SEPTIN2: variants seen among roughly 807,000 people sequenced by gnomAD.
SEPTIN2 encodes septin 2.
In SEPTIN2, 34 loss-of-function variants were observed where a neutral mutation model predicts 46.5. That is an observed-to-expected ratio of 0.73 (90% confidence interval 0.56 to 0.97). SEPTIN2 has a LOEUF of 0.97. Among genes scored for constraint, SEPTIN2 ranks in the 50% least tolerant of loss-of-function variants. The pLI is 0.00. For missense variants in SEPTIN2, 347 were observed against 448.4 expected, an observed-to-expected ratio of 0.77 and a Z score of 2.04; for synonymous variants, 175 against 153.4, an observed-to-expected ratio of 1.14 and a Z score of -1.04.
At chr2:241,345,556 C>T (rs576651249) in intron 9 of SEPTIN2, among the ~76,000 whole-genome samples, 1 of 152,294 alleles carries the variant, frequency 6.6e-6, no homozygotes, top group Non-Finnish European at 1.5e-5. Flanking sequence ...AATGTTTGCT[C>T]ATTCTTGCCT....
chr2:241,322,356 A>C (rs2077251624), intron 1 of SEPTIN2, among the ~76,000 whole-genome samples: 1 of 152,140 alleles, frequency 6.6e-6, no homozygotes, highest in African/African-American at 2.4e-5. Flanking sequence ...CTGTAATCCC[A>C]GCACCTTGGG....
intron 5 of SEPTIN2, chr2:241,336,809 G>C (rs2080079290): frequency 5.9e-6 from 1 of 170,664 alleles, no homozygotes; most frequent in Non-Finnish European, 1.4e-5. Flanking sequence ...AGAATTGGCA[G>C]CCCTGGCTGG....
intron 3 of SEPTIN2, among the ~76,000 whole-genome samples, chr2:241,330,224 A>G (rs74404759): frequency 0.016 from 2,489 of 152,298 alleles, 44 homozygotes; most frequent in African/African-American, 0.043. Context: ...AAAAATCACC[A>G]TGCCATACAG....
At chr2:241,347,910 G>C (rs867804407) in intron 10 of SEPTIN2, among the ~76,000 whole-genome samples, 3 of 152,116 alleles carry the variant, frequency 2.0e-5, no homozygotes, top group Admixed American at 6.5e-5. Flanking sequence ...AGTTACCCAG[G>C]AGGCTAAGGT....
In SEPTIN2 at chr2:241,323,549, G is replaced by A. The variant is rs543458165; in HGVS notation, c.-17-667G>A. ...CTGGAATTACAGGCGTGAGCATCACGTCTGGCCTAATTTTTTTAATCGAAT... is the reference window on the plus strand; with the variant it reads ...CTGGAATTACAGGCGTGAGCATCACATCTGGCCTAATTTTTTTAATCGAAT... On this transcript the variant is annotated intron_variant, in intron 1 of 12. Coordinates refer to ENST00000391971, the MANE Select transcript of SEPTIN2 (RefSeq NM_004404.5). Among the ~76,000 whole-genome samples the A allele has an allele frequency of 4.6e-5, 7 of 152,254 alleles. No individual in the cohort carries two copies. The South Asian group carries it at 8.3e-4, about 18-fold the overall frequency.
At chr2:241,339,491 T>C (rs1427513701) in intron 7 of SEPTIN2, among the ~76,000 whole-genome samples, 1 of 152,166 alleles carries the variant, frequency 6.6e-6, no homozygotes, top group Non-Finnish European at 1.5e-5. Context: ...ATAGTAATAC[T>C]ATTCTGCCAT....
chr2:241,331,906 A>G (rs2079066810), intron 3 of SEPTIN2, among the ~76,000 whole-genome samples: 1 of 152,230 alleles, frequency 6.6e-6, no homozygotes, highest in Non-Finnish European at 1.5e-5. Flanking sequence ...TAGACCCATC[A>G]ATATAATAAG....
intron 8 of SEPTIN2, 45 bp downstream of exon 8, chr2:241,343,138 C>G: frequency 9.3e-7 from 1 of 1,075,996 alleles, no homozygotes; most frequent in Non-Finnish European, 1.4e-6. Flanking sequence ...CTCCTGTTTA[C>G]TGTTGTCCAT....
chr2:241,338,567 T>C (rs1395233708), intron 7 of SEPTIN2, among the ~76,000 whole-genome samples: 1 of 137,300 alleles, frequency 7.3e-6, no homozygotes, highest in Non-Finnish European at 1.6e-5. Flanking sequence ...CTCAGCAACA[T>C]AGCAATACGC....
At chr2:241,340,778 C>G (rs911220078) in intron 7 of SEPTIN2, among the ~76,000 whole-genome samples, 1 of 152,192 alleles carries the variant, frequency 6.6e-6, no homozygotes, top group African/African-American at 2.4e-5. Flanking sequence ...AATCACTTCT[C>G]TTCCTCCAGT....
Position 241,316,388 on chromosome 2 carries a change from C to T in SEPTIN2, c.-18+406C>T, listed in dbSNP as rs553697322. The T allele has an allele frequency of 2.3e-5, 23 of 984,350 alleles. No individual in the cohort carries two copies. In the African/African-American group the frequency reaches 3.2e-4, roughly 14 times the overall value. The allele number at this position is 984,350 out of a possible 1,614,324, so 61.0% of individuals were successfully genotyped here. A position where few individuals can be genotyped will look rare whatever the true frequency, so the allele number is the denominator to read the frequency against. On this transcript the variant is annotated intron_variant, in intron 1 of 12. Transcript: ENST00000391971. Reference sequence around the variant, plus strand: ...AAACACTTAGAGCTTGTGTGGCCATCTTGTCTTTCTAACGGTGCCATTTCC... The same window carrying T: ...AAACACTTAGAGCTTGTGTGGCCATTTTGTCTTTCTAACGGTGCCATTTCC...
intron 1 of SEPTIN2, chr2:241,316,397 C>T (rs1193486596): frequency 9.3e-7 from 1 of 1,073,926 alleles, no homozygotes; most frequent in Non-Finnish European, 1.3e-6. Context: ...TCTTGTCTTT[C>T]TAACGGTGCC....
chr2:241,344,113 T>TGCCTGTG (rs1166124525), intron 9 of SEPTIN2, among the ~76,000 whole-genome samples: 2 of 152,206 alleles, frequency 1.3e-5, no homozygotes, highest in Admixed American at 6.5e-5. Context: ...CTAGCGCTTC[T>TGCCTGTG]GCCTGTGGCC....
intron 7 of SEPTIN2, among the ~76,000 whole-genome samples, chr2:241,341,270 C>T (rs2081227213): frequency 6.6e-6 from 1 of 152,236 alleles, no homozygotes; most frequent in African/African-American, 2.4e-5. Flanking sequence ...TGATGGACTC[C>T]TGTCCTTCCA....
intron 1 of SEPTIN2, among the ~76,000 whole-genome samples, chr2:241,321,668 G>T (rs548337113): frequency 6.6e-6 from 1 of 151,526 alleles, no homozygotes; most frequent in South Asian, 2.1e-4. Context: ...TGATATTCTT[G>T]AATTTTGTCC....
chr2:241,353,494 A>G lies in SEPTIN2; in HGVS notation c.*1557A>G, dbSNP rs2060924312. The G allele has an allele frequency of 6.6e-6, 1 of 152,218 alleles. No homozygotes were observed. 9.4% of individuals were successfully genotyped at this position (152,218 alleles called of 1,614,324 possible). On this transcript the variant is annotated 3_prime_UTR_variant, in exon 13 of 13. Transcript: ENST00000391971. ...TTTTTGTGGGGGCTAGAAAAAACATAAAATGAGGCAGTTAAATAATAATAG... is the reference window on the plus strand; with the variant it reads ...TTTTTGTGGGGGCTAGAAAAAACATGAAATGAGGCAGTTAAATAATAATAG...
chr2:241,316,697 G>T, intron 1 of SEPTIN2: 1 of 519,436 alleles, frequency 1.9e-6, no homozygotes, highest in South Asian at 3.0e-5. Flanking sequence ...AACCTGGCTT[G>T]CTTTTTTACC....
chr2:241,335,935 A>T, intron 4 of SEPTIN2, 40 bp from the exon 5 acceptor site: 1 of 1,614,022 alleles, frequency 6.2e-7, no homozygotes, highest in South Asian at 1.1e-5. Flanking sequence ...TCCTCTTCAC[A>T]TGCTGCTTAT....
rs76440955 is a variant in SEPTIN2, at chr2:241,343,730, T to A, written c.697-22T>A. ...TGGGGTTCCCTGTGTGGAGCCTGTC[T>A]ACTCTGTGTGTCTCTTTCTAGGCTA... On this transcript the variant is annotated intron_variant, in intron 8 of 12. Coordinates refer to ENST00000391971, the MANE Select transcript of SEPTIN2 (RefSeq NM_004404.5). 7.0e-5 allele frequency: 113 copies of A among 1,613,972 alleles called. No homozygotes were observed. In the East Asian group the frequency reaches 2.5e-3, roughly 35 times the overall value.
Sources: gnomAD v4.1 joint callset for allele counts (sites outside exome capture counted in the v4.1 genomes callset) on GRCh38, gnomAD v4.1.1 for gene constraint, MANE v1.5 for transcripts, NCBI Gene and HGNC (gene_info 2026-07-23, HGNC 2026-07-21) for gene names.